PSD3: variants seen among roughly 807,000 people sequenced by gnomAD.
The protein encoded by PSD3 is PH and SEC7 domain-containing protein 3.
Under a neutral mutation model 105.5 loss-of-function variants are expected in PSD3, and 49 were observed. The ratio of observed to expected loss-of-function variants is 0.46; its 90% CI spans 0.37 to 0.59. The LOEUF is 0.59. Among genes scored for constraint, PSD3 ranks in the 20% least tolerant of loss-of-function variants. The probability of loss-of-function intolerance (pLI) is 0.00; values close to 1 mark genes in which losing one functional copy is unlikely to be tolerated. For synonymous variants in PSD3, 557 were observed against 457.8 expected (o/e 1.22, Z -2.77); for missense variants, 1,561 against 1,263.8 (o/e 1.24, Z -3.57).
chr8:18,959,327 G>T (rs191443017), intron 1 of PSD3, among the ~76,000 whole-genome samples: 8 of 152,216 alleles, frequency 5.3e-5, no homozygotes, highest in Non-Finnish European at 1.2e-4. Flanking sequence ...TCCAAAGCCA[G>T]AAGATGCATG....
At chr8:18,547,959 C>G (rs546269417) in intron 15 of PSD3, among the ~76,000 whole-genome samples, 2 of 152,266 alleles carry the variant, frequency 1.3e-5, no homozygotes, top group East Asian at 3.9e-4. Flanking sequence ...GATGGTGTTC[C>G]ATGAATCCTG....
chr8:18,952,498 G>A (rs1563456970), intron 1 of PSD3, among the ~76,000 whole-genome samples: 1 of 152,154 alleles, frequency 6.6e-6, no homozygotes, highest in South Asian at 2.1e-4. Context: ...GTTCAACGCG[G>A]TTAACAGCTT....
chr8:18,603,877 G>T (rs1000217080), intron 11 of PSD3, among the ~76,000 whole-genome samples: 1 of 152,106 alleles, frequency 6.6e-6, no homozygotes, highest in Non-Finnish European at 1.5e-5. Context: ...GTTTCCTGAG[G>T]CCTTCCCAGA....
At chr8:18,614,870 A>C (rs1485518265) in intron 11 of PSD3, among the ~76,000 whole-genome samples, 1 of 151,464 alleles carries the variant, frequency 6.6e-6, no homozygotes, top group Non-Finnish European at 1.5e-5. Context: ...TGCTGGGCTT[A>C]AGCGATCCTC....
rs1799643288 is a variant in PSD3 at position 18,531,788 on chromosome 8, T to C, written c.*3955A>G. ...AACAACTCTTAGGATGCCACTTTGGTTCTTTGTTTTACAGTGCTAATTTTA... is the reference window on the plus strand; with the variant it reads ...AACAACTCTTAGGATGCCACTTTGGCTCTTTGTTTTACAGTGCTAATTTTA... On this transcript the variant is annotated 3_prime_UTR_variant, in exon 16 of 16. Transcript: ENST00000327040. The C allele has an allele frequency of 1.3e-5, 2 of 152,236 alleles. No individual in the cohort carries two copies. Among genetic ancestry groups the C allele is most frequent in the African/African-American group, 4.8e-5 (2 of 41,456 alleles). 9.4% of individuals were successfully genotyped at this position (152,236 alleles called of 1,614,324 possible).
chr8:18,601,551 T>A (rs1161232553), intron 11 of PSD3, among the ~76,000 whole-genome samples: 1 of 152,196 alleles, frequency 6.6e-6, no homozygotes, highest in Non-Finnish European at 1.5e-5. Flanking sequence ...CAGGCAATCC[T>A]GCCAACACCA....
chr8:18,683,710 G>A, intron 9 of PSD3: 3 of 739,614 alleles, frequency 4.1e-6, no homozygotes, highest in Non-Finnish European at 7.4e-6. Context: ...CACTGCCAAA[G>A]ACTATCCAAT....
intron 1 of PSD3, among the ~76,000 whole-genome samples, chr8:19,052,807 GC>G (rs57432958): frequency 0.84 from 127,362 of 151,808 alleles, 54,094 homozygotes; most frequent in Non-Finnish European, 0.92. Flanking sequence ...TCCATTGGGT[GC>G]CCCCAAGACT....
intron 14 of PSD3, among the ~76,000 whole-genome samples, chr8:18,568,420 T>C (rs1324757093): frequency 1.3e-5 from 2 of 152,158 alleles, no homozygotes; most frequent in African/African-American, 4.8e-5. Flanking sequence ...AAGAAGAAAA[T>C]GATCCAAGAA....
At chr8:18,568,456 A>G (rs7011149) in intron 14 of PSD3, among the ~76,000 whole-genome samples, 73,273 of 151,892 alleles carry the variant, frequency 0.48, 19,034 homozygotes, top group Non-Finnish European at 0.59. Context: ...AAGGGGGGAA[A>G]TCAAGAGACA....
chr8:18,791,310 G>C (rs1809697854), intron 8 of PSD3, among the ~76,000 whole-genome samples: 2 of 152,094 alleles, frequency 1.3e-5, no homozygotes, highest in African/African-American at 4.8e-5. Context: ...GAGGCATCGT[G>C]CTGTCTGACT....
At chr8:18,966,264 G>C (rs1007905917) in intron 1 of PSD3, among the ~76,000 whole-genome samples, 1 of 152,050 alleles carries the variant, frequency 6.6e-6, no homozygotes, top group African/African-American at 2.4e-5. Context: ...CCTATACTAG[G>C]CTGTCAAACA....
chr8:18,940,397 T>C (rs1054569248), intron 1 of PSD3: 2 of 152,286 alleles, frequency 1.3e-5, no homozygotes, highest in Admixed American at 1.3e-4. Flanking sequence ...GAGCAAGGCT[T>C]GAAGGCGCTA....
intron 9 of PSD3, among the ~76,000 whole-genome samples, chr8:18,751,313 T>C (rs2129438070): frequency 6.6e-6 from 1 of 152,312 alleles, no homozygotes; most frequent in Middle Eastern, 3.4e-3. Context: ...AAACGATCCT[T>C]ACAAGATCAC....
intron 10 of PSD3, among the ~76,000 whole-genome samples, chr8:18,652,169 G>A (rs879484199): frequency 4.6e-5 from 7 of 152,138 alleles, no homozygotes; most frequent in South Asian, 2.1e-4. Context: ...GGAGACAGAC[G>A]ATGAGCGCTA....
intron 2 of PSD3, among the ~76,000 whole-genome samples, chr8:18,920,086 C>T (rs1267680512): frequency 2.7e-5 from 4 of 147,990 alleles, no homozygotes; most frequent in Admixed American, 2.0e-4. Context: ...TAGAGAACTA[C>T]TAAATTAGTA....
At chr8:18,649,533 G>C (rs916564501) in intron 10 of PSD3, among the ~76,000 whole-genome samples, 4 of 152,138 alleles carry the variant, frequency 2.6e-5, no homozygotes, top group African/African-American at 7.2e-5. Context: ...CAAGGGACTA[G>C]GCTTGTCTCA....
intron 2 of PSD3, among the ~76,000 whole-genome samples, chr8:18,879,825 T>C (rs1818001079): frequency 1.6e-5 from 1 of 62,234 alleles, no homozygotes; most frequent in Non-Finnish European, 3.0e-5. Context: ...CTCGAACTCC[T>C]GGGCTCAAGT....
At chr8:18,652,077 C>T (rs1050820233) in intron 10 of PSD3, among the ~76,000 whole-genome samples, 15 of 151,976 alleles carry the variant, frequency 9.9e-5, no homozygotes, top group Non-Finnish European at 1.9e-4. Context: ...GGGAGGGTGT[C>T]AAAGATGATG....
Sources: allele counts gnomAD v4.1 joint callset (sites outside exome capture counted in the v4.1 genomes callset), GRCh38; gene constraint gnomAD v4.1.1; transcripts MANE v1.5; gene names NCBI Gene and HGNC (gene_info 2026-07-23, HGNC 2026-07-21).